SETBP1: variants seen among roughly 807,000 people sequenced by gnomAD.
The protein encoded by SETBP1 is SET binding protein 1, also known as SET-binding protein.
Under a neutral mutation model 101.0 loss-of-function variants are expected in SETBP1, and 9 were observed. The observed-to-expected ratio is 0.09, with a 90% CI of 0.05 to 0.16. SETBP1 has a LOEUF of 0.16. SETBP1 is among the 10% of genes least tolerant of loss of function. The probability of loss-of-function intolerance (pLI) is 1.00; values close to 1 mark genes in which losing one functional copy is unlikely to be tolerated. For missense variants in SETBP1, 1,858 were observed against 2,033.8 expected (o/e 0.91, Z 1.66); for synonymous variants, 818 against 788.5 (o/e 1.04, Z -0.63).
intron 2 of SETBP1, among the ~76,000 whole-genome samples, chr18:44,706,591 C>CAAAAAAAAAAAAAAAAAAAA (rs1018470585): frequency 5.9e-5 from 1 of 16,966 alleles, no homozygotes; most frequent in African/African-American, 2.4e-4. Flanking sequence ...GACTCAATCT[C>CAAAAAAAAAAAAAAAAAAAA]AAAAAAAAAA....
At chr18:44,734,201 A>G (rs753580042) in intron 2 of SETBP1, among the ~76,000 whole-genome samples, 6 of 152,260 alleles carry the variant, frequency 3.9e-5, no homozygotes, top group East Asian at 1.9e-4. Flanking sequence ...TAAATGTGCT[A>G]TAAGGGTGAG....
chr18:45,063,074 C>T lies in SETBP1; in HGVS notation c.4172-5C>T. 3.1e-6 allele frequency: 5 copies of T among 1,613,882 alleles called. No individual in the cohort carries two copies. The highest frequency in any genetic ancestry group is 4.2e-6 in the Non-Finnish European group (5 of 1,180,016). On this transcript the variant is annotated splice_region_variant and splice_polypyrimidine_tract_variant and intron_variant, in intron 5 of 5. Coordinates refer to ENST00000649279, the MANE Select transcript of SETBP1 (RefSeq NM_015559.3). ...CTCAATTTCTTATCTCTTCCCCTCC[C>T]GCAGTCGGCTCCTCCCTGAAGAAGA... is the stretch of plus-strand genomic sequence containing the variant.
chr18:44,743,700 A>G (rs2070152129), intron 2 of SETBP1, among the ~76,000 whole-genome samples: 1 of 151,794 alleles, frequency 6.6e-6, no homozygotes, highest in Admixed American at 6.6e-5. Flanking sequence ...CATTTAACCT[A>G]CCTCTTTTTT....
At chr18:44,742,396 A>G (rs2070119151) in intron 2 of SETBP1, among the ~76,000 whole-genome samples, 1 of 152,142 alleles carries the variant, frequency 6.6e-6, no homozygotes, top group Non-Finnish European at 1.5e-5. Flanking sequence ...TCTAGTTAGC[A>G]CCTTTTTTGT....
In SETBP1 at chr18:44,952,105, T is replaced by C; in HGVS notation, c.2765T>C (p.Leu922Pro). ...KNRHGHRQKHLIVDNFLAHES... is the reference protein window; with the variant it reads ...KNRHGHRQKHPIVDNFLAHES... ...CGGCATGGCCACCGGCAAAAGCATCTCATTGTGGACAACTTTCTGGCCCAC... is the reference window on the plus strand; with the variant it reads ...CGGCATGGCCACCGGCAAAAGCATCCCATTGTGGACAACTTTCTGGCCCAC... The change falls in exon 4 of 6, where the codon CTC becomes CCC. Residue 922 changes from leucine to proline, a missense_variant. Coordinates refer to ENST00000649279, the MANE Select transcript of SETBP1 (RefSeq NM_015559.3). The C allele has an allele frequency of 6.2e-7, 1 of 1,613,982 alleles. No homozygotes were observed. The highest frequency in any genetic ancestry group is 8.5e-7 in the Non-Finnish European group (1 of 1,180,008).
intron 2 of SETBP1, among the ~76,000 whole-genome samples, chr18:44,835,779 C>T (rs1599196036): frequency 6.6e-6 from 1 of 152,370 alleles, no homozygotes; most frequent in East Asian, 1.9e-4. Flanking sequence ...TCTGTGTCCA[C>T]TTGGCAACCT....
chr18:44,775,909 A>T (rs563391695), intron 2 of SETBP1, among the ~76,000 whole-genome samples: 1 of 152,256 alleles, frequency 6.6e-6, no homozygotes, highest in South Asian at 2.1e-4. Context: ...TTGCACTTTG[A>T]TCTCTACATA....
At chr18:44,955,507 G>C (rs1469934856) in intron 4 of SETBP1, among the ~76,000 whole-genome samples, 1 of 152,184 alleles carries the variant, frequency 6.6e-6, no homozygotes, top group African/African-American at 2.4e-5. Context: ...TGTATAGTGT[G>C]CTTCCATTCT....
chr18:44,718,147 C>A lies in SETBP1; in HGVS notation c.486+16315C>A, dbSNP rs117219973. On this transcript the variant is annotated intron_variant, in intron 2 of 5. Coordinates refer to ENST00000649279, the MANE Select transcript of SETBP1 (RefSeq NM_015559.3). ...AATCCAGATATGAAAACAAGTCTTG[C>A]CTGAAGCAATGAGGGAGAAATAGCA... 2.7e-4 allele frequency among the ~76,000 whole-genome samples: 41 copies of A among 152,236 alleles called. No individual in the cohort carries two copies. The East Asian group carries it at 6.2e-3, about 23-fold the overall frequency.
intron 3 of SETBP1, among the ~76,000 whole-genome samples, chr18:44,921,600 A>AT (rs1027851683): frequency 4.0e-5 from 6 of 151,830 alleles, no homozygotes; most frequent in East Asian, 1.9e-4. Context: ...TGCCTCTGCA[A>AT]TTTTTTTTTA....
intron 2 of SETBP1, among the ~76,000 whole-genome samples, chr18:44,798,553 T>C (rs2071531331): frequency 6.6e-6 from 1 of 152,004 alleles, no homozygotes; most frequent in Non-Finnish European, 1.5e-5. Flanking sequence ...TACCCCAGGG[T>C]GGAAAGAAAA....
At chr18:44,818,485 A>G (rs749880761) in intron 2 of SETBP1, among the ~76,000 whole-genome samples, 2 of 152,142 alleles carry the variant, frequency 1.3e-5, no homozygotes, top group Admixed American at 6.5e-5. Flanking sequence ...ACCAGTGACC[A>G]TGGTCAGTGG....
At chr18:45,008,309 C>T (rs2072771132) in intron 4 of SETBP1, among the ~76,000 whole-genome samples, 1 of 152,154 alleles carries the variant, frequency 6.6e-6, no homozygotes, top group South Asian at 2.1e-4. Context: ...GACCAGAAGC[C>T]GAGTTTTGAA....
chr18:45,035,804 A>C (rs909821453), intron 4 of SETBP1, among the ~76,000 whole-genome samples: 1 of 152,164 alleles, frequency 6.6e-6, no homozygotes, highest in South Asian at 2.1e-4. Flanking sequence ...TTCTGCCTCC[A>C]TCCATTCGGT....
intron 3 of SETBP1, among the ~76,000 whole-genome samples, chr18:44,894,711 G>A (rs2069851213): frequency 6.6e-6 from 1 of 151,952 alleles, no homozygotes; most frequent in South Asian, 2.1e-4. Context: ...TTCAATTAAA[G>A]TATGTGTAGG....
At chr18:44,876,986 C>T in intron 3 of SETBP1, 1 of 1,229,508 alleles carries the variant, frequency 8.1e-7, no homozygotes, top group Non-Finnish European at 1.0e-6. Flanking sequence ...GCAGCATTCA[C>T]TGTCTTCCAG....
intron 4 of SETBP1, among the ~76,000 whole-genome samples, chr18:45,037,407 G>T (rs781435113): frequency 3.9e-5 from 6 of 152,046 alleles, no homozygotes; most frequent in Non-Finnish European, 8.8e-5. Flanking sequence ...AATGATAGTC[G>T]CAATAATAGG....
At chr18:44,710,135 T>C (rs1442862392) in intron 2 of SETBP1, among the ~76,000 whole-genome samples, 1 of 152,224 alleles carries the variant, frequency 6.6e-6, no homozygotes, top group Non-Finnish European at 1.5e-5. Context: ...TTCTTTTTAA[T>C]AAAAGGCAAG....
At chr18:45,016,953 C>T (rs1216481331) in intron 4 of SETBP1, among the ~76,000 whole-genome samples, 1 of 152,094 alleles carries the variant, frequency 6.6e-6, no homozygotes, top group Non-Finnish European at 1.5e-5. Flanking sequence ...GTGGAAGTGT[C>T]ATCTTTTAAT....
Sources: gnomAD v4.1 joint callset for allele counts (sites outside exome capture counted in the v4.1 genomes callset) on GRCh38, gnomAD v4.1.1 for gene constraint, MANE v1.5 for transcripts, NCBI Gene and HGNC (gene_info 2026-07-23, HGNC 2026-07-21) for gene names.